The following DAB1 variants were observed in gnomAD, a reference collection of about 807,000 sequenced individuals.
DAB1 encodes DAB adaptor protein 1.
DAB1 carries 15 observed loss-of-function variants against 64.6 expected under a neutral mutation model. That is an observed-to-expected ratio of 0.23 (90% CI 0.16 to 0.36). DAB1 has a LOEUF of 0.36. DAB1 is among the 10% of genes least tolerant of loss of function. The pLI, the probability that DAB1 is intolerant of heterozygous loss-of-function variation, is 1.00. For missense variants in DAB1, 596 were observed against 706.7 expected (o/e 0.84, Z 1.78); for synonymous variants, 235 against 251.9 (o/e 0.93, Z 0.64).
At chr1:57,603,346 AG>A (rs1307756407) in intron 7 of DAB1, among the ~76,000 whole-genome samples, 15 of 152,144 alleles carry the variant, frequency 9.9e-5, no homozygotes, top group Non-Finnish European at 2.1e-4. Flanking sequence ...TCTGGTCTAG[AG>A]TTCTTTTCTG....
chr1:57,071,144 C>A (rs1276799196), intron 6 of DAB1, 83 bp from the exon 7 acceptor site: 3 of 1,338,652 alleles, frequency 2.2e-6, no homozygotes, highest in Non-Finnish European at 3.2e-6. Flanking sequence ...AATTACAGGA[C>A]AGTAAAGAAA....
In DAB1 at chr1:57,985,155, G is replaced by A. The variant is rs552388643; in HGVS notation, n.388-100993C>T. Among the ~76,000 whole-genome samples, 9 of 152,242 alleles carry A rather than the reference G, an allele frequency of 5.9e-5. No homozygotes were observed. In the South Asian group the frequency reaches 6.2e-4, roughly 11 times the overall value. On this transcript the variant is annotated intron_variant and non_coding_transcript_variant, in intron 5 of 20. Coordinates refer to the DAB1 transcript ENST00000485760. Reference sequence around the variant, plus strand: ...ACTCCTGACCTCAAGTAATCCACCCGCCTTGGCCTCCCAAAGTGCTGGGGT... The same window carrying A: ...ACTCCTGACCTCAAGTAATCCACCCACCTTGGCCTCCCAAAGTGCTGGGGT...
chr1:57,321,331 C>A (rs1243734287), intron 1 of DAB1, among the ~76,000 whole-genome samples: 1 of 152,166 alleles, frequency 6.6e-6, no homozygotes, highest in Admixed American at 6.5e-5. Flanking sequence ...ATTCCCATGG[C>A]TTTTTCCAGC....
chr1:58,328,470 C>T (rs912186391), intron 4 of DAB1, among the ~76,000 whole-genome samples: 2 of 152,172 alleles, frequency 1.3e-5, no homozygotes, highest in Non-Finnish European at 2.9e-5. Context: ...GCACTGCAGG[C>T]GATGTCAGCT....
At chr1:57,131,986 C>T (rs1217078543) in intron 4 of DAB1, among the ~76,000 whole-genome samples, 1 of 151,950 alleles carries the variant, frequency 6.6e-6, no homozygotes, top group Non-Finnish European at 1.5e-5. Flanking sequence ...CCCAATATTT[C>T]CTGAGTGAAT....
intron 6 of DAB1, among the ~76,000 whole-genome samples, chr1:57,653,106 A>G (rs759484195): frequency 4.6e-5 from 7 of 152,244 alleles, no homozygotes; most frequent in Non-Finnish European, 1.0e-4. Context: ...AAACTTATGT[A>G]CTGATACCAG....
At chr1:57,244,274 G>T (rs1011375541) in intron 2 of DAB1, among the ~76,000 whole-genome samples, 1 of 152,132 alleles carries the variant, frequency 6.6e-6, no homozygotes, top group African/African-American at 2.4e-5. Context: ...ATACTTTTCT[G>T]TCTTTGTACT....
At chr1:58,440,499 T>C (rs1176717915) in intron 3 of DAB1, among the ~76,000 whole-genome samples, 3 of 152,168 alleles carry the variant, frequency 2.0e-5, no homozygotes, top group Non-Finnish European at 2.9e-5. Context: ...ACTTTGAAAG[T>C]GAATTTGTGT....
intron 4 of DAB1, among the ~76,000 whole-genome samples, chr1:58,189,390 A>C (rs1657260884): frequency 6.6e-6 from 1 of 152,244 alleles, no homozygotes; most frequent in Admixed American, 6.5e-5. Flanking sequence ...TTAATTTTAC[A>C]AATGATGAAA....
chr1:58,299,850 C>A (rs1440295334), intron 4 of DAB1, among the ~76,000 whole-genome samples: 1 of 152,188 alleles, frequency 6.6e-6, no homozygotes, highest in Non-Finnish European at 1.5e-5. Flanking sequence ...CTTGCTAGTA[C>A]ATACCTTCAT....
chr1:57,635,255 C>T (rs572896070), intron 7 of DAB1, among the ~76,000 whole-genome samples: 1 of 152,312 alleles, frequency 6.6e-6, no homozygotes, highest in South Asian at 2.1e-4. Context: ...AAGGGCAGTA[C>T]TCTAATCCAG....
At chr1:58,093,995 G>C (rs1474621598) in intron 5 of DAB1, among the ~76,000 whole-genome samples, 1 of 152,136 alleles carries the variant, frequency 6.6e-6, no homozygotes, top group Non-Finnish European at 1.5e-5. Context: ...CTAGCTAGTG[G>C]GGAAACACCA....
intron 1 of DAB1, 72 bp downstream of exon 1, chr1:57,423,858 C>T (rs1685124518): frequency 6.6e-6 from 1 of 152,334 alleles, no homozygotes; most frequent in Non-Finnish European, 1.5e-5. Context: ...CCTGGCTCCC[C>T]GGCGCCCTGT....
intron 7 of DAB1, among the ~76,000 whole-genome samples, chr1:57,497,495 T>C (rs1364647660): frequency 6.6e-6 from 1 of 152,176 alleles, no homozygotes; most frequent in Non-Finnish European, 1.5e-5. Flanking sequence ...GAGTTTCTAG[T>C]CTAGTGATGG....
chr1:58,221,083 T>C (rs552192516), intron 4 of DAB1, among the ~76,000 whole-genome samples: 1 of 148,686 alleles, frequency 6.7e-6, no homozygotes, highest in African/African-American at 2.5e-5. Flanking sequence ...CTTTTAGAAA[T>C]ACAAATACAC....
intron 9 of DAB1, among the ~76,000 whole-genome samples, chr1:57,051,429 G>A (rs1361544759): frequency 6.6e-6 from 1 of 152,180 alleles, no homozygotes; most frequent in Non-Finnish European, 1.5e-5. Context: ...AAATTTATTT[G>A]CCATAAAAGA....
intron 7 of DAB1, among the ~76,000 whole-genome samples, chr1:57,441,265 TTTCTTTCTCTTTCTTTCTTTCTTTCTTTC>T (rs1558383530): frequency 2.4e-5 from 1 of 41,152 alleles, no homozygotes; most frequent in Non-Finnish European, 6.7e-5. Flanking sequence ...TTTTCTTTTC[TTTCTTTCTCTTTCTTTCTTTCTTTCTTTC>T]TTTCTTTCTT....
Position 57,244,754 on chromosome 1 carries a change from G to T in DAB1, c.67+46210C>A, listed in dbSNP as rs187996790. On this transcript the variant is annotated intron_variant, in intron 2 of 14. Coordinates refer to ENST00000371236, the MANE Select transcript of DAB1 (RefSeq NM_001365792.1). Reference sequence around the variant, plus strand: ...TCCATTTCTTCTTTTGTAAAATGAGGTAATAATAAATAACTCATAAAATTA... The same window carrying T: ...TCCATTTCTTCTTTTGTAAAATGAGTTAATAATAAATAACTCATAAAATTA... 2.0e-4 allele frequency among the ~76,000 whole-genome samples: 30 copies of T among 152,274 alleles called. 1 individual carries two copies. Among genetic ancestry groups the T allele is most frequent in the Admixed American group, 1.9e-3 (29 of 15,296 alleles).
Position 56,995,833 on chromosome 1 carries a change from T to G in DAB1, c.*2311A>C, listed in dbSNP as rs1435819646. ...CAAACTGGTCTCAGGCCAACTCTTATGGTCATTCCACCTTTCCCATCTTCC... is the reference window on the plus strand; with the variant it reads ...CAAACTGGTCTCAGGCCAACTCTTAGGGTCATTCCACCTTTCCCATCTTCC... On this transcript the variant is annotated 3_prime_UTR_variant, in exon 15 of 15. Coordinates refer to ENST00000371236, the MANE Select transcript of DAB1 (RefSeq NM_001365792.1). 1 of 152,236 alleles carries G rather than the reference T, an allele frequency of 6.6e-6. No individual in the cohort carries two copies. The highest frequency in any genetic ancestry group is 1.5e-5 in the Non-Finnish European group (1 of 68,046). The allele number at this position is 152,236 out of a possible 1,614,324, so 9.4% of individuals were successfully genotyped here.
Sources: gnomAD v4.1 joint callset for allele counts (sites outside exome capture counted in the v4.1 genomes callset) on GRCh38, gnomAD v4.1.1 for gene constraint, MANE v1.5 for transcripts, NCBI Gene and HGNC (gene_info 2026-07-23, HGNC 2026-07-21) for gene names.